PTPRT: variants seen among roughly 807,000 people sequenced by gnomAD.
PTPRT encodes the protein receptor-type tyrosine-protein phosphatase T.
In PTPRT, 56 loss-of-function variants were observed where a neutral mutation model predicts 176.8. The ratio of observed to expected loss-of-function variants is 0.32; its 90% confidence interval spans 0.26 to 0.40. The LOEUF (loss-of-function observed/expected upper bound fraction) is 0.40. Among genes scored for constraint, PTPRT ranks in the 10% least tolerant of loss-of-function variants. The pLI, the probability that PTPRT is intolerant of heterozygous loss-of-function variation, is 1.00. For missense variants in PTPRT, 1,540 were observed against 1,908.2 expected, an observed-to-expected ratio of 0.81 and a Z score of 3.60; for synonymous variants, 783 against 739.0, an observed-to-expected ratio of 1.06 and a Z score of -0.96.
intron 6 of PTPRT, among the ~76,000 whole-genome samples, chr20:42,752,346 G>A (rs189292065): frequency 6.6e-6 from 1 of 152,318 alleles, no homozygotes; most frequent in East Asian, 1.9e-4. Flanking sequence ...GCCTTCTGAG[G>A]GAGGTAATCC....
chr20:43,000,500 A>G (rs1311383146), intron 1 of PTPRT, among the ~76,000 whole-genome samples: 1 of 152,240 alleles, frequency 6.6e-6, no homozygotes, highest in Non-Finnish European at 1.5e-5. Flanking sequence ...CCACAGAAAC[A>G]ATATATCAAA....
chr20:42,108,344 GACCTCGGGCAAATGACTTA>G (rs1986672865), intron 23 of PTPRT, among the ~76,000 whole-genome samples: 1 of 152,116 alleles, frequency 6.6e-6, no homozygotes, highest in Non-Finnish European at 1.5e-5. Flanking sequence ...TTAGCTGCAT[GACCTCGGGCAAATGACTTA>G]ACCTCTCTGG....
At position 42,529,614 on chromosome 20, in the gene PTPRT, G is replaced by C. The variant is rs187013916; in HGVS notation, c.1154-57052C>G. 4.1e-4 allele frequency among the ~76,000 whole-genome samples: 63 copies of C among 152,148 alleles called. No individual in the cohort carries two copies. The East Asian group carries it at 0.011, about 26-fold the overall frequency. ...CGATTCTCCTGCCCCAGCCTCCCGA[G>C]TAGCTGAGACTACAAGCATGTGCCA... On this transcript the variant is annotated intron_variant, in intron 7 of 30. Coordinates refer to ENST00000373187, the MANE Select transcript of PTPRT (RefSeq NM_007050.6).
intron 1 of PTPRT, among the ~76,000 whole-genome samples, chr20:42,979,880 C>T (rs974839058): frequency 2.0e-5 from 3 of 150,676 alleles, no homozygotes; most frequent in African/African-American, 4.9e-5. Context: ...TGTGTCCAGC[C>T]CCAAATCTCA....
At chr20:42,694,267 T>C (rs1038183880) in intron 6 of PTPRT, among the ~76,000 whole-genome samples, 1 of 152,128 alleles carries the variant, frequency 6.6e-6, no homozygotes, top group African/African-American at 2.4e-5. Context: ...CTCGATCTCC[T>C]GACCTCGTGA....
chr20:43,026,887 T>C (rs1429644265), intron 1 of PTPRT, among the ~76,000 whole-genome samples: 1 of 152,216 alleles, frequency 6.6e-6, no homozygotes, highest in Non-Finnish European at 1.5e-5. Flanking sequence ...ATCCATACTG[T>C]TGCAAATGAT....
chr20:42,877,702 G>A (rs888741109), intron 2 of PTPRT, among the ~76,000 whole-genome samples: 3 of 152,138 alleles, frequency 2.0e-5, no homozygotes, highest in African/African-American at 7.2e-5. Flanking sequence ...TACAAGAACC[G>A]AAGCTAGCTC....
chr20:42,236,294 C>T, intron 14 of PTPRT, 36 bp from the exon 15 acceptor site: 1 of 1,508,132 alleles, frequency 6.6e-7, no homozygotes, highest in Non-Finnish European at 9.2e-7. Context: ...AAGGAAATGT[C>T]CAAAATGGGG....
At chr20:42,400,618 T>C (rs955701819) in intron 9 of PTPRT, among the ~76,000 whole-genome samples, 1 of 151,742 alleles carries the variant, frequency 6.6e-6, no homozygotes, top group African/African-American at 2.4e-5. Flanking sequence ...TGAAGGAACA[T>C]CCCTGCAAGA....
chr20:42,298,594 C>T (rs2057419089), intron 12 of PTPRT, among the ~76,000 whole-genome samples: 2 of 152,346 alleles, frequency 1.3e-5, no homozygotes, highest in South Asian at 4.1e-4. Flanking sequence ...TATAGCCACA[C>T]ATGAGAGTGG....
chr20:42,210,344 G>A (rs919582121), intron 15 of PTPRT, among the ~76,000 whole-genome samples: 1 of 151,922 alleles, frequency 6.6e-6, no homozygotes, highest in Non-Finnish European at 1.5e-5. Flanking sequence ...ATTAGGAAAA[G>A]AGGAAGTCAA....
intron 1 of PTPRT, among the ~76,000 whole-genome samples, chr20:42,945,817 G>A (rs890498852): frequency 4.6e-5 from 7 of 151,914 alleles, no homozygotes; most frequent in African/African-American, 1.7e-4. Context: ...CTTCTATCTA[G>A]TTGCAAGACC....
At chr20:42,380,080 C>G (rs2058685096) in intron 9 of PTPRT, among the ~76,000 whole-genome samples, 1 of 152,208 alleles carries the variant, frequency 6.6e-6, no homozygotes, top group South Asian at 2.1e-4. Context: ...ACGTGTGAGG[C>G]TGGTAGTCCA....
chr20:43,093,033 G>A (rs1272423692), intron 1 of PTPRT, among the ~76,000 whole-genome samples: 3 of 152,214 alleles, frequency 2.0e-5, no homozygotes, highest in Admixed American at 6.5e-5. Context: ...GGGATATCAA[G>A]TGCTAATAGT....
At chr20:42,703,012 T>C (rs951389433) in intron 6 of PTPRT, among the ~76,000 whole-genome samples, 7 of 152,184 alleles carry the variant, frequency 4.6e-5, no homozygotes, top group African/African-American at 1.7e-4. Flanking sequence ...ATGATCAGAG[T>C]AGGTTCAGAT....
intron 2 of PTPRT, among the ~76,000 whole-genome samples, chr20:42,871,955 T>C (rs749412992): frequency 4.6e-5 from 7 of 152,234 alleles, no homozygotes; most frequent in Non-Finnish European, 8.8e-5. Flanking sequence ...ATAGGTCTTA[T>C]TTTAACCTTA....
At chr20:43,154,936 G>A (rs1306383168) in intron 1 of PTPRT, among the ~76,000 whole-genome samples, 3 of 152,170 alleles carry the variant, frequency 2.0e-5, no homozygotes, top group Admixed American at 6.5e-5. Context: ...AATGGCCAAC[G>A]GGTATATGAA....
At chr20:42,623,323 C>A (rs2074233323) in intron 7 of PTPRT, among the ~76,000 whole-genome samples, 1 of 152,206 alleles carries the variant, frequency 6.6e-6, no homozygotes. Context: ...GGGCCAGAGG[C>A]CAAAGTCCTT....
At chr20:42,321,866 G>A (rs982642776) in intron 11 of PTPRT, among the ~76,000 whole-genome samples, 1 of 152,132 alleles carries the variant, frequency 6.6e-6, no homozygotes, top group African/African-American at 2.4e-5. Flanking sequence ...GGTGGATCAT[G>A]AGGTCAGGAG....
Sources: gnomAD v4.1 joint callset for allele counts (sites outside exome capture counted in the v4.1 genomes callset) on GRCh38, gnomAD v4.1.1 for gene constraint, MANE v1.5 for transcripts, NCBI Gene and HGNC (gene_info 2026-07-23, HGNC 2026-07-21) for gene names.